AK8: variants seen among roughly 807,000 people sequenced by gnomAD.
The protein encoded by AK8 is adenylate kinase 8.
Under a neutral mutation model 54.6 loss-of-function variants are expected in AK8, and 44 were observed. That is an observed-to-expected ratio of 0.81 (90% confidence interval 0.63 to 1.04). The LOEUF (loss-of-function observed/expected upper bound fraction) is 1.04. AK8 is among the 50% of genes least tolerant of loss of function. AK8 has a pLI of 0.00. For missense variants in AK8, 555 were observed against 613.6 expected, an observed-to-expected ratio of 0.90 and a Z score of 1.01; for synonymous variants, 239 against 245.6, an observed-to-expected ratio of 0.97 and a Z score of 0.25.
intron 11 of AK8, chr9:132,727,742 T>C: frequency 3.7e-6 from 2 of 536,692 alleles, no homozygotes; most frequent in Non-Finnish European, 6.8e-6. Flanking sequence ...GCCTCCTTCA[T>C]CTGACTCTCA....
At chr9:132,766,916 G>C (rs909760720) in intron 11 of AK8, among the ~76,000 whole-genome samples, 3 of 152,132 alleles carry the variant, frequency 2.0e-5, no homozygotes, top group African/African-American at 7.2e-5. Flanking sequence ...TGGGAAAACT[G>C]GATATATCTG....
chr9:132,775,004 A>G lies in AK8; in HGVS notation c.1121+17630T>C, dbSNP rs947187856. ...AAGGTAGGCAAAGAGAAGTCTTTTC[A>G]GGAGGGGAAATTTCCTGCCTGTGAA... is the stretch of plus-strand genomic sequence containing the variant. On this transcript the variant is annotated intron_variant, in intron 11 of 12. Coordinates refer to ENST00000298545, the MANE Select transcript of AK8 (RefSeq NM_152572.3). 9.9e-5 allele frequency among the ~76,000 whole-genome samples: 15 copies of G among 152,202 alleles called. 1 individual carries two copies. The highest frequency in any genetic ancestry group is 8.5e-4 in the Admixed American group (13 of 15,280).
At chr9:132,847,273 G>A (rs545722804) in intron 5 of AK8, among the ~76,000 whole-genome samples, 37 of 152,366 alleles carry the variant, frequency 2.4e-4, no homozygotes, top group African/African-American at 8.2e-4. Context: ...ACCACCAGGC[G>A]TGGGGAAGTC....
At position 132,799,344 on chromosome 9, in the gene AK8, T is replaced by TA. The variant is rs1840333303; in HGVS notation, c.980-6570dup. 6.6e-6 allele frequency among the ~76,000 whole-genome samples: 1 copy of TA among 152,002 alleles called. No homozygotes were observed. Among genetic ancestry groups the TA allele is most frequent in the South Asian group, 2.1e-4 (1 of 4,820 alleles). On this transcript the variant is annotated intron_variant, in intron 10 of 12. Coordinates refer to ENST00000298545, the MANE Select transcript of AK8 (RefSeq NM_152572.3). The surrounding 1 kb of genome is among the most constrained non-coding windows in gnomAD (Gnocchi z 5.0). ...GCTCCTTCAGCCAGTGGCTTAAAGA[T>TA]AAAAAACATGCTAAGGTTGATTGCT...
At chr9:132,848,275 G>T (rs540319362) in intron 5 of AK8, among the ~76,000 whole-genome samples, 1 of 152,232 alleles carries the variant, frequency 6.6e-6, no homozygotes, top group Admixed American at 6.5e-5. Flanking sequence ...CATTTTGTAT[G>T]GGAAAATGCT....
chr9:132,760,103 T>G (rs1223397903), intron 11 of AK8, among the ~76,000 whole-genome samples: 3 of 152,220 alleles, frequency 2.0e-5, no homozygotes, highest in Non-Finnish European at 4.4e-5. Flanking sequence ...TTTAATAAAC[T>G]TACACAGTTT....
rs543349455 is a variant in AK8, at chr9:132,786,105, T to C, written c.1121+6529A>G. Among the ~76,000 whole-genome samples, 11 of 152,222 alleles carry C rather than the reference T, an allele frequency of 7.2e-5. 1 individual carries two copies. The East Asian group carries it at 1.9e-3, about 27-fold the overall frequency. On this transcript the variant is annotated intron_variant, in intron 11 of 12. Coordinates refer to ENST00000298545, the MANE Select transcript of AK8 (RefSeq NM_152572.3). ...CTCAGAAAGCCAAATCCTAAATCAG[T>C]AGTAGGAAAGCTGAGAATCAACCTC...
rs1841315004 is a variant in AK8 at position 132,816,098 on chromosome 9, AATCC to A, written c.890-1375_890-1372del. The stretch of plus-strand genomic sequence containing the variant: ...GCTAGGCGCAGTGGCTCATGCCTGT[AATCC>A]CAGGACTTTGGGAGGCCAAGGCGGG... On this transcript the variant is annotated intron_variant, in intron 9 of 12. Coordinates refer to ENST00000298545, the MANE Select transcript of AK8 (RefSeq NM_152572.3). Among the ~76,000 whole-genome samples, 8 of 152,314 alleles carry A rather than the reference AATCC, an allele frequency of 5.3e-5. No homozygotes were observed. In the South Asian group the frequency reaches 1.0e-3, roughly 20 times the overall value.
intron 2 of AK8, among the ~76,000 whole-genome samples, chr9:132,871,459 C>T (rs1843827911): frequency 6.6e-6 from 1 of 152,198 alleles, no homozygotes; most frequent in Non-Finnish European, 1.5e-5. Flanking sequence ...TCCATAAAAG[C>T]TGCCAGCTGA....
intron 10 of AK8, among the ~76,000 whole-genome samples, chr9:132,813,705 C>T (rs1044090222): frequency 6.6e-6 from 1 of 152,200 alleles, no homozygotes; most frequent in Non-Finnish European, 1.5e-5. Context: ...TCAGTCCCTT[C>T]TCTGAGGCTC....
At chr9:132,841,091 G>C (rs1842523999) in intron 5 of AK8, among the ~76,000 whole-genome samples, 1 of 152,252 alleles carries the variant, frequency 6.6e-6, no homozygotes, top group Non-Finnish European at 1.5e-5. Context: ...TAATCAGACA[G>C]TGAGACAGCT....
intron 4 of AK8, among the ~76,000 whole-genome samples, chr9:132,859,604 C>A (rs1267923180): frequency 6.6e-6 from 1 of 151,516 alleles, no homozygotes; most frequent in Non-Finnish European, 1.5e-5. Flanking sequence ...CCCTCTCCCC[C>A]TTCTCCTCCC....
chr9:132,747,975 T>A (rs1564379895), intron 11 of AK8, among the ~76,000 whole-genome samples: 5 of 151,290 alleles, frequency 3.3e-5, no homozygotes. Flanking sequence ...GATGGGCGCC[T>A]GTAGTCTCAG....
intron 10 of AK8, among the ~76,000 whole-genome samples, chr9:132,793,917 G>A (rs948681698): frequency 2.6e-5 from 4 of 152,142 alleles, no homozygotes; most frequent in Non-Finnish European, 2.9e-5. Context: ...CCCTCCTACC[G>A]ACTGCCCGGG....
intron 11 of AK8, among the ~76,000 whole-genome samples, chr9:132,782,264 C>T (rs1281263006): frequency 6.6e-6 from 1 of 152,116 alleles, no homozygotes; most frequent in Non-Finnish European, 1.5e-5. Flanking sequence ...TTTTTCCCCC[C>T]AGGCTTCAGA....
chr9:132,744,011 C>T (rs140150435), intron 11 of AK8, among the ~76,000 whole-genome samples: 266 of 152,328 alleles, frequency 1.7e-3, no homozygotes, highest in African/African-American at 6.2e-3. Context: ...GTGAACCTGC[C>T]GGAACTCAAG....
intron 11 of AK8, among the ~76,000 whole-genome samples, chr9:132,762,860 G>A (rs1838547380): frequency 6.6e-6 from 1 of 152,198 alleles, no homozygotes; most frequent in South Asian, 2.1e-4. Flanking sequence ...CTGGGTGACA[G>A]AGCGAGACTC....
chr9:132,766,023 T>C (rs1370569426), intron 11 of AK8, among the ~76,000 whole-genome samples: 1 of 152,276 alleles, frequency 6.6e-6, no homozygotes, highest in South Asian at 2.1e-4. Flanking sequence ...TACAAAAAAT[T>C]AGTAGCATTT....
chr9:132,725,975 G>A, intron 12 of AK8, 50 bp from the exon 13 acceptor site: 4 of 1,551,284 alleles, frequency 2.6e-6, no homozygotes, highest in Non-Finnish European at 3.5e-6. Context: ...CCTGGAAGCA[G>A]GGGAGAAAGG....
Sources: gnomAD v4.1 joint callset for allele counts (sites outside exome capture counted in the v4.1 genomes callset) on GRCh38, gnomAD v4.1.1 for gene constraint, Gnocchi (gnomAD v3.1) non-coding constraint, MANE v1.5 for transcripts, NCBI Gene and HGNC (gene_info 2026-07-23, HGNC 2026-07-21) for gene names.